BMPER: variants seen among roughly 807,000 people sequenced by gnomAD.
BMPER encodes the protein BMP-binding endothelial regulator protein.
BMPER carries 45 observed loss-of-function variants against 87.3 expected under a neutral mutation model. The ratio of observed to expected loss-of-function variants is 0.52; its 90% CI spans 0.41 to 0.66. BMPER has a LOEUF of 0.66. BMPER is among the 30% of genes least tolerant of loss of function. The pLI is 0.00. For synonymous variants in BMPER, 326 were observed against 316.2 expected, an observed-to-expected ratio of 1.03 and a Z score of -0.33; for missense variants, 784 against 867.5, an observed-to-expected ratio of 0.90 and a Z score of 1.21.
chr7:33,969,437 T>C (rs2128618336), intron 4 of BMPER, among the ~76,000 whole-genome samples: 1 of 152,364 alleles, frequency 6.6e-6, no homozygotes, highest in South Asian at 2.1e-4. Flanking sequence ...TCTCGCTCTG[T>C]CGTCCAGGCT....
chr7:33,937,471 C>G (rs1182777205), intron 3 of BMPER, 83 bp downstream of exon 3: 16 of 1,429,984 alleles, frequency 1.1e-5, no homozygotes, highest in Non-Finnish European at 1.5e-5. Flanking sequence ...CCTTTTCACT[C>G]AGCTTTTGGC....
At chr7:33,969,161 AG>A (rs1424029568) in intron 4 of BMPER, among the ~76,000 whole-genome samples, 6 of 152,176 alleles carry the variant, frequency 3.9e-5, no homozygotes, top group African/African-American at 1.4e-4. Flanking sequence ...GACACGATGA[AG>A]AAAATGACCT....
intron 6 of BMPER, among the ~76,000 whole-genome samples, chr7:34,002,101 T>C (rs1786596555): frequency 6.6e-6 from 1 of 151,818 alleles, no homozygotes; most frequent in Admixed American, 6.6e-5. Flanking sequence ...TTGTGGAGAA[T>C]GTTGTATGTG....
intron 3 of BMPER, among the ~76,000 whole-genome samples, chr7:33,964,383 G>C (rs1214117050): frequency 1.3e-5 from 2 of 152,214 alleles, no homozygotes; most frequent in Non-Finnish European, 2.9e-5. Context: ...CATCATTTGA[G>C]AAGGTTTGTT....
intron 3 of BMPER, 151 bp from the exon 4 acceptor site, chr7:33,966,328 G>A (rs971743831): frequency 2.9e-6 from 2 of 682,456 alleles, no homozygotes; most frequent in African/African-American, 3.6e-5. Flanking sequence ...AGAAGGCTTA[G>A]TTGTGTTTTG....
At chr7:34,134,665 G>A (rs1291566884) in intron 13 of BMPER, among the ~76,000 whole-genome samples, 1 of 152,162 alleles carries the variant, frequency 6.6e-6, no homozygotes, top group African/African-American at 2.4e-5. Context: ...CCTGGGTATA[G>A]AGAAAATAGC....
intron 10 of BMPER, among the ~76,000 whole-genome samples, chr7:34,058,386 T>C (rs536806275): frequency 6.6e-6 from 1 of 152,366 alleles, no homozygotes; most frequent in East Asian, 1.9e-4. Flanking sequence ...TGATTTCTTA[T>C]TGACATCTCC....
chr7:33,979,306 C>G (rs1277167476), intron 6 of BMPER, among the ~76,000 whole-genome samples: 1 of 151,358 alleles, frequency 6.6e-6, no homozygotes, highest in Non-Finnish European at 1.5e-5. Context: ...GCTTGTTCAC[C>G]TGGCGAATGC....
chr7:33,990,334 C>A (rs1033722161), intron 6 of BMPER, among the ~76,000 whole-genome samples: 22 of 138,160 alleles, frequency 1.6e-4, no homozygotes, highest in Non-Finnish European at 2.5e-4. Flanking sequence ...CCTTCACATC[C>A]CTTGTAAGTT....
intron 2 of BMPER, among the ~76,000 whole-genome samples, chr7:33,916,556 G>T (rs906028767): frequency 2.0e-5 from 3 of 152,270 alleles, no homozygotes; most frequent in Non-Finnish European, 2.9e-5. Context: ...AGATGAACTG[G>T]TGTGACTGGA....
At chr7:34,119,901 C>T (rs1299069354) in intron 13 of BMPER, among the ~76,000 whole-genome samples, 62 of 151,792 alleles carry the variant, frequency 4.1e-4, no homozygotes, top group Admixed American at 4.1e-3. Flanking sequence ...TAACCTAAAA[C>T]CAACCAATGA....
intron 6 of BMPER, among the ~76,000 whole-genome samples, chr7:33,983,890 C>T (rs911555727): frequency 6.6e-5 from 10 of 152,084 alleles, no homozygotes; most frequent in Non-Finnish European, 1.5e-4. Flanking sequence ...GAAATATTGA[C>T]ACAATAAAAG....
chr7:34,125,163 C>T (rs1319618431), intron 13 of BMPER, among the ~76,000 whole-genome samples: 2 of 152,120 alleles, frequency 1.3e-5, no homozygotes. Flanking sequence ...AGCCTGTGGT[C>T]TCTTCCCACA....
chr7:34,011,601 A>AAG (rs1411973548), intron 6 of BMPER, among the ~76,000 whole-genome samples: 2 of 148,930 alleles, frequency 1.3e-5, no homozygotes, highest in African/African-American at 5.0e-5. Context: ...AAAAAAAAAA[A>AAG]AAAGAAAAAA....
At chr7:33,956,959 G>A (rs376201521) in intron 3 of BMPER, among the ~76,000 whole-genome samples, 4 of 152,242 alleles carry the variant, frequency 2.6e-5, no homozygotes, top group South Asian at 2.1e-4. Flanking sequence ...TGGCAAAGAC[G>A]TGGAAAATCT....
In BMPER at chr7:33,938,105, G is replaced by A. The variant is rs137923170; in HGVS notation, c.319+717G>A. ...TAGAAGCCCACATGGATACCGCAGT[G>A]GTGTGATTTTCCCCCTCTGTGGTTT... On this transcript the variant is annotated intron_variant, in intron 3 of 14. Transcript: ENST00000649409. 2.8e-3 allele frequency among the ~76,000 whole-genome samples: 428 copies of A among 152,236 alleles called. 1 individual carries two copies. Among genetic ancestry groups the A allele is most frequent in the African/African-American group, 9.9e-3 (411 of 41,540 alleles).
intron 2 of BMPER, among the ~76,000 whole-genome samples, chr7:33,931,701 C>G (rs1457699084): frequency 6.6e-6 from 1 of 152,174 alleles, no homozygotes; most frequent in African/African-American, 2.4e-5. Context: ...GATGTGGGAT[C>G]AGCTTCCCCT....
At chr7:34,006,556 A>G (rs976609797) in intron 6 of BMPER, among the ~76,000 whole-genome samples, 1 of 152,092 alleles carries the variant, frequency 6.6e-6, no homozygotes, top group Non-Finnish European at 1.5e-5. Flanking sequence ...AATTTTTTAT[A>G]TTCTCTCTTG....
At chr7:34,044,298 C>T (rs543592978) in intron 6 of BMPER, among the ~76,000 whole-genome samples, 1 of 152,260 alleles carries the variant, frequency 6.6e-6, no homozygotes, top group East Asian at 1.9e-4. Flanking sequence ...TGCAATTGTG[C>T]AATATTTTTT....
Sources: gnomAD v4.1 joint callset for allele counts (sites outside exome capture counted in the v4.1 genomes callset) on GRCh38, gnomAD v4.1.1 for gene constraint, MANE v1.5 for transcripts, NCBI Gene and HGNC (gene_info 2026-07-23, HGNC 2026-07-21) for gene names.